The following C1QTNF7 variants were observed in gnomAD, a reference collection of about 807,000 sequenced individuals.
The protein encoded by C1QTNF7 is C1q and TNF related 7.
Under a neutral mutation model 19.6 loss-of-function variants are expected in C1QTNF7, and 15 were observed. The observed-to-expected ratio is 0.76, with a 90% CI of 0.51 to 1.18. The LOEUF (loss-of-function observed/expected upper bound fraction) is 1.18, where lower values mean the gene tolerates loss of function less well. Among genes scored for constraint, C1QTNF7 ranks in the 50% most tolerant of loss-of-function variants. The probability of loss-of-function intolerance (pLI) is 0.00; values close to 1 mark genes in which losing one functional copy is unlikely to be tolerated. For synonymous variants in C1QTNF7, 142 were observed against 137.5 expected, an observed-to-expected ratio of 1.03 and a Z score of -0.23; for missense variants, 324 against 359.7, an observed-to-expected ratio of 0.90 and a Z score of 0.80.
intron 1 of C1QTNF7, among the ~76,000 whole-genome samples, chr4:15,410,940 A>G (rs1719381367): frequency 6.6e-6 from 1 of 152,200 alleles, no homozygotes; most frequent in Non-Finnish European, 1.5e-5. Context: ...CAACCCAGAA[A>G]CAAAACAGAG....
In C1QTNF7 at chr4:15,442,206, G is replaced by A. The variant is rs751372843; in HGVS notation, c.277G>A (p.Glu93Lys). 4 of 1,613,242 alleles carry A rather than the reference G, an allele frequency of 2.5e-6. No homozygotes were observed. In the South Asian group the frequency reaches 4.4e-5, roughly 18 times the overall value. The part of the protein sequence containing the change: ...GKTGPLGLAG[E>K]KGDQGETGKK... ...GACTGGACCGCTAGGTCTTGCCGGT[G>A]AGAAAGGGGACCAAGGAGAGACTGG... The change falls in exon 3 of 3, where the codon GAG (glutamate) becomes AAG (lysine). Residue 93 changes from glutamate to lysine, a missense_variant. Coordinates refer to ENST00000444304, the MANE Select transcript of C1QTNF7 (RefSeq NM_031911.5).
At chr4:15,366,351 T>C (rs975154612) in intron 1 of C1QTNF7, among the ~76,000 whole-genome samples, 1 of 152,192 alleles carries the variant, frequency 6.6e-6, no homozygotes, top group Non-Finnish European at 1.5e-5. Context: ...CACTTGTAAG[T>C]GTAAACCTTA....
At chr4:15,383,754 C>T (rs1043223012) in intron 1 of C1QTNF7, among the ~76,000 whole-genome samples, 1 of 152,234 alleles carries the variant, frequency 6.6e-6, no homozygotes, top group African/African-American at 2.4e-5. Context: ...TTGGAAAGGG[C>T]TGATTTGCTT....
At chr4:15,438,669 T>G (rs143484017) in intron 2 of C1QTNF7, among the ~76,000 whole-genome samples, 260 of 152,346 alleles carry the variant, frequency 1.7e-3, no homozygotes, top group African/African-American at 5.8e-3. Flanking sequence ...CATATAAAAA[T>G]CTTCAGATAA....
At chr4:15,427,771 G>C (rs1363967436), upstream of C1QTNF7, 1 of 152,288 alleles carries the variant, frequency 6.6e-6, no homozygotes, top group Admixed American at 6.6e-5. Context: ...AAAAAATTAA[G>C]TAAACAAATC....
At chr4:15,353,414 C>T (rs955830303) in intron 1 of C1QTNF7, among the ~76,000 whole-genome samples, 1 of 152,118 alleles carries the variant, frequency 6.6e-6, no homozygotes, top group Non-Finnish European at 1.5e-5. Flanking sequence ...TCTTTCAGCT[C>T]GTATTTTCAG....
intron 1 of C1QTNF7, chr4:15,381,660 TAA>T (rs1466093644): frequency 6.6e-6 from 1 of 152,114 alleles, no homozygotes; most frequent in East Asian, 1.9e-4. Flanking sequence ...TATAAATAAA[TAA>T]GATATATAAA....
rs182189743 is a variant in C1QTNF7, at chr4:15,357,854, T to C, written c.13+17647T>C. ...TTCTTCTCTTTGTAGCAATTGTGAA[T>C]AGGAGTTCACTCATGATTTTCCTCT... On this transcript the variant is annotated intron_variant, in intron 1 of 2. Transcript: ENST00000295297. Among the ~76,000 whole-genome samples the C allele has an allele frequency of 4.3e-3, 648 of 152,328 alleles. 2 individuals are homozygous for C. Among genetic ancestry groups the C allele is most frequent in the Non-Finnish European group, 6.7e-3 (454 of 68,022 alleles).
At chr4:15,434,591 G>C (rs545352579) in intron 1 of C1QTNF7, among the ~76,000 whole-genome samples, 1 of 152,220 alleles carries the variant, frequency 6.6e-6, no homozygotes, top group Admixed American at 6.6e-5. Context: ...ACCTGTATAT[G>C]TTCTTCCCTT....
intron 1 of C1QTNF7, among the ~76,000 whole-genome samples, chr4:15,375,502 G>T (rs1717905531): frequency 6.6e-6 from 1 of 152,100 alleles, no homozygotes; most frequent in Non-Finnish European, 1.5e-5. Context: ...TTGTACTGGG[G>T]TACATTTCTT....
chr4:15,403,162 G>A (rs1363571547), intron 1 of C1QTNF7, among the ~76,000 whole-genome samples: 2 of 152,112 alleles, frequency 1.3e-5, no homozygotes, highest in Non-Finnish European at 2.9e-5. Flanking sequence ...TGCAAGCCCA[G>A]CAGTCGGCTC....
intron 1 of C1QTNF7, among the ~76,000 whole-genome samples, chr4:15,347,061 CA>C (rs1374833948): frequency 6.6e-6 from 1 of 152,114 alleles, no homozygotes; most frequent in Non-Finnish European, 1.5e-5. Context: ...TATATGATCC[CA>C]ATATAATCTA....
At chr4:15,342,720 G>A (rs949130600) in intron 1 of C1QTNF7, among the ~76,000 whole-genome samples, 5 of 152,196 alleles carry the variant, frequency 3.3e-5, no homozygotes, top group African/African-American at 7.2e-5. Flanking sequence ...TGGGCCTGGC[G>A]GGGCTCTATT....
intron 2 of C1QTNF7, among the ~76,000 whole-genome samples, chr4:15,440,872 C>A (rs1020741805): frequency 2.0e-5 from 3 of 152,140 alleles, no homozygotes; most frequent in African/African-American, 7.2e-5. Context: ...GGCATGGCGG[C>A]TCAGGACTCC....
At chr4:15,408,422 C>T (rs1453986010) in intron 1 of C1QTNF7, among the ~76,000 whole-genome samples, 12 of 150,888 alleles carry the variant, frequency 8.0e-5, no homozygotes, top group Admixed American at 7.9e-4. Flanking sequence ...TTGTTTAAGT[C>T]TTTTACAACA....
intron 1 of C1QTNF7, among the ~76,000 whole-genome samples, chr4:15,432,353 T>C (rs1039929712): frequency 6.6e-6 from 1 of 152,216 alleles, no homozygotes; most frequent in Non-Finnish European, 1.5e-5. Context: ...CCAGTCACCA[T>C]CGTGCCACTA....
Position 15,444,311 on chromosome 4 carries a change from C to T in C1QTNF7, c.*1512C>T, listed in dbSNP as rs916768462. The stretch of plus-strand genomic sequence containing the variant: ...GGTAAATTTCTTTTTTTTAATCTTC[C>T]CCAATTTAAATTTTTTAATTTAAAA... On this transcript the variant is annotated 3_prime_UTR_variant, in exon 3 of 3. Coordinates refer to ENST00000444304, the MANE Select transcript of C1QTNF7 (RefSeq NM_031911.5). The T allele has an allele frequency of 3.3e-5, 5 of 151,748 alleles. No individual in the cohort carries two copies. The highest frequency in any genetic ancestry group is 5.9e-5 in the Non-Finnish European group (4 of 67,986). 9.4% of individuals were successfully genotyped at this position (151,748 alleles called of 1,614,324 possible).
chr4:15,431,249 A>T (rs1712294876), intron 1 of C1QTNF7, among the ~76,000 whole-genome samples: 1 of 152,218 alleles, frequency 6.6e-6, no homozygotes, highest in East Asian at 1.9e-4. Context: ...AGCTCTACAC[A>T]TATAGGTGTC....
chr4:15,418,290 T>C (rs993140753), intron 1 of C1QTNF7, among the ~76,000 whole-genome samples: 17 of 152,106 alleles, frequency 1.1e-4, no homozygotes, highest in African/African-American at 3.9e-4. Flanking sequence ...ACAAAGATCA[T>C]GTTCTCCTCT....
Sources: allele counts gnomAD v4.1 joint callset (sites outside exome capture counted in the v4.1 genomes callset), GRCh38; gene constraint gnomAD v4.1.1; transcripts MANE v1.5; gene names NCBI Gene and HGNC (gene_info 2026-07-23, HGNC 2026-07-21).